The following ESRP1 variants were observed in gnomAD, a reference collection of about 807,000 sequenced individuals.
ESRP1 encodes RNA-binding motif protein 35A.
A neutral mutation model predicts 81.7 loss-of-function variants in ESRP1; 33 were observed. The observed-to-expected ratio is 0.40, with a 90% CI of 0.31 to 0.54. The LOEUF is 0.54. Ranked by LOEUF, ESRP1 falls within the 20% of genes least tolerant of loss-of-function variation. ESRP1 has a pLI of 0.41. For synonymous variants in ESRP1, 320 were observed against 303.3 expected, an observed-to-expected ratio of 1.06 and a Z score of -0.57; for missense variants, 672 against 833.1, an observed-to-expected ratio of 0.81 and a Z score of 2.38.
chr8:94,649,162 A>G (rs1817992451), intron 4 of ESRP1, among the ~76,000 whole-genome samples: 1 of 152,210 alleles, frequency 6.6e-6, no homozygotes, highest in Non-Finnish European at 1.5e-5. Flanking sequence ...CAGTGAGCCG[A>G]GATCATACCA....
chr8:94,664,616 A>G, intron 6 of ESRP1, 81 bp from the exon 7 acceptor site: 4 of 931,392 alleles, frequency 4.3e-6, no homozygotes, highest in Non-Finnish European at 5.3e-6. Flanking sequence ...CTGTGTAACT[A>G]GGCAGTTGTC....
intron 4 of ESRP1, among the ~76,000 whole-genome samples, chr8:94,659,002 G>T (rs1042482113): frequency 7.2e-5 from 11 of 151,992 alleles, no homozygotes; most frequent in African/African-American, 2.7e-4. Context: ...GACCTCCCAG[G>T]CTCAAGCAAT....
chr8:94,696,628 A>C (rs1395163931), intron 14 of ESRP1, among the ~76,000 whole-genome samples: 2 of 152,192 alleles, frequency 1.3e-5, no homozygotes, highest in African/African-American at 4.8e-5. Flanking sequence ...TGTGTAATCC[A>C]TGTTTTCAAT....
Position 94,674,643 on chromosome 8 carries a change from A to C in ESRP1, c.1651+137A>C, listed in dbSNP as rs1819503104. On this transcript the variant is annotated intron_variant, in intron 12 of 15. Coordinates refer to ENST00000433389, the MANE Select transcript of ESRP1 (RefSeq NM_017697.4). ...ATATAAGGCTCTCCCATCTGTAATC[A>C]GTAGTACCTGGTAATCATTTAAGAC... is the stretch of plus-strand genomic sequence containing the variant. The C allele has an allele frequency of 4.3e-6, 3 of 693,606 alleles. No individual in the cohort carries two copies. In the African/African-American group the frequency reaches 5.4e-5, roughly 12 times the overall value. 43.0% of individuals were successfully genotyped at this position (693,606 alleles called of 1,614,324 possible).
chr8:94,704,194 T>A (rs1809963570), intron 15 of ESRP1, among the ~76,000 whole-genome samples: 1 of 150,478 alleles, frequency 6.6e-6, no homozygotes, highest in Non-Finnish European at 1.5e-5. Flanking sequence ...TTTTTTTTGC[T>A]AGCAGTTAGG....
intron 5 of ESRP1, 29 bp downstream of exon 5, chr8:94,662,399 C>A: frequency 6.5e-7 from 1 of 1,527,686 alleles, no homozygotes. Context: ...GTAGTGCAGT[C>A]CCAGAATTCA....
At position 94,668,166 on chromosome 8, in the gene ESRP1, A is replaced by G. The variant is rs774616508; in HGVS notation, c.1149A>G (p.Ala383=). Residue 383 remains alanine (A), a synonymous_variant, in exon 10 of 16, where the codon GCA becomes GCG. Coordinates refer to ENST00000433389, the MANE Select transcript of ESRP1 (RefSeq NM_017697.4). The part of the protein sequence containing the change: ...AFVLFACEEY[A]QNALRKHKDL... ...TCCTCTTTGCCTGTGAGGAATATGC[A>G]CAGAATGCGTTGAGGAAGCATAAAG... 1.2e-6 allele frequency: 2 copies of G among 1,614,008 alleles called. No homozygotes were observed. The highest frequency in any genetic ancestry group is 3.3e-4 in the Middle Eastern group (2 of 6,062).
chr8:94,690,263 C>G (rs949057443), intron 13 of ESRP1, among the ~76,000 whole-genome samples: 104 of 142,636 alleles, frequency 7.3e-4, no homozygotes, highest in African/African-American at 2.6e-3. Context: ...GCATGAGCTA[C>G]AATGCCTGGC....
chr8:94,695,585 G>A (rs1038760657), intron 14 of ESRP1, among the ~76,000 whole-genome samples: 7 of 151,270 alleles, frequency 4.6e-5, no homozygotes, highest in African/African-American at 9.7e-5. Flanking sequence ...GGCTGGTCTC[G>A]AACTCCTGAC....
At chr8:94,703,843 G>T (rs1453925092) in intron 15 of ESRP1, among the ~76,000 whole-genome samples, 1 of 152,202 alleles carries the variant, frequency 6.6e-6, no homozygotes, top group East Asian at 1.9e-4. Flanking sequence ...TGGTAAAACT[G>T]CCTCTTAGGG....
At chr8:94,703,108 G>GT (rs201767398) in intron 15 of ESRP1, among the ~76,000 whole-genome samples, 8,473 of 128,388 alleles carry the variant, frequency 0.066, 979 homozygotes, top group African/African-American at 0.22. Context: ...GAGATTGATT[G>GT]TTTTTTTTTT....
At chr8:94,704,759 T>G (rs1049414430) in intron 15 of ESRP1, among the ~76,000 whole-genome samples, 1 of 105,500 alleles carries the variant, frequency 9.5e-6, no homozygotes, top group Non-Finnish European at 1.8e-5. Context: ...AGGCACCATC[T>G]CTTTTTGAAA....
At chr8:94,643,182 A>C in intron 2 of ESRP1, 121 bp from the exon 3 acceptor site, 1 of 632,720 alleles carries the variant, frequency 1.6e-6, no homozygotes, top group Non-Finnish European at 2.9e-6. Context: ...TTGCCCCAGC[A>C]CCGGTGTCAC....
intron 4 of ESRP1, among the ~76,000 whole-genome samples, chr8:94,647,592 A>G (rs1273545671): frequency 6.6e-6 from 1 of 152,178 alleles, no homozygotes; most frequent in Non-Finnish European, 1.5e-5. Context: ...TCACTGCCCT[A>G]TCTAATTAGA....
intron 1 of ESRP1, chr8:94,641,721 C>G (rs1817602800): frequency 1.4e-6 from 1 of 693,242 alleles, no homozygotes. Context: ...TCCGCCGAGA[C>G]GAGGTGGGGT....
chr8:94,661,711 A>G (rs1818756530), intron 4 of ESRP1, among the ~76,000 whole-genome samples: 1 of 152,210 alleles, frequency 6.6e-6, no homozygotes, highest in Non-Finnish European at 1.5e-5. Flanking sequence ...TTTGCTGTCT[A>G]GAACTAGCAT....
chr8:94,648,118 G>A (rs1392331685), intron 4 of ESRP1, among the ~76,000 whole-genome samples: 3 of 152,154 alleles, frequency 2.0e-5, no homozygotes, highest in African/African-American at 4.8e-5. Flanking sequence ...TTAGCTGGAC[G>A]TGGTTGCATG....
chr8:94,679,059 T>C (rs1244972594), intron 13 of ESRP1, among the ~76,000 whole-genome samples: 1 of 152,244 alleles, frequency 6.6e-6, no homozygotes, highest in Non-Finnish European at 1.5e-5. Flanking sequence ...ATAAGTGTCT[T>C]GGACCTAACC....
intron 13 of ESRP1, among the ~76,000 whole-genome samples, chr8:94,680,457 C>T (rs1046074793): frequency 5.3e-5 from 8 of 151,878 alleles, no homozygotes; most frequent in African/African-American, 9.7e-5. Flanking sequence ...GTCGGAGTTT[C>T]GCTCTTGTTG....
Sources: allele counts gnomAD v4.1 joint callset (sites outside exome capture counted in the v4.1 genomes callset), GRCh38; gene constraint gnomAD v4.1.1; transcripts MANE v1.5; gene names NCBI Gene and HGNC (gene_info 2026-07-23, HGNC 2026-07-21).